Variants in RPL4 observed in about 807,000 individuals in gnomAD.
RPL4 encodes the protein large ribosomal subunit protein uL4.
In RPL4, 3 loss-of-function variants were observed where a neutral mutation model predicts 47.7. The ratio of observed to expected loss-of-function variants is 0.06; its 90% confidence interval spans 0.03 to 0.16. RPL4 has a LOEUF of 0.16. Among genes scored for constraint, RPL4 ranks in the 10% least tolerant of loss-of-function variants. The pLI, the probability that RPL4 is intolerant of heterozygous loss-of-function variation, is 1.00. For synonymous variants in RPL4, 208 were observed against 182.1 expected (o/e 1.14, Z -1.15); for missense variants, 413 against 551.3 (o/e 0.75, Z 2.51).
intron 3 of RPL4, 30 bp from the exon 4 acceptor site, chr15:66,502,780 C>T: frequency 1.2e-6 from 2 of 1,613,954 alleles, no homozygotes; most frequent in Non-Finnish European, 1.7e-6. Flanking sequence ...TCACATTTCT[C>T]AAATTTTAGT....
At position 66,499,668 on chromosome 15, in the gene RPL4, C is replaced by A. The variant is rs770975258; in HGVS notation, c.1039-16G>T. 3.7e-6 allele frequency: 6 copies of A among 1,612,792 alleles called. No individual in the cohort carries two copies. In the South Asian group the frequency reaches 5.5e-5, roughly 15 times the overall value. ...GGAGCTTGTGCTGCAACAAATTAGG[C>A]AGAAAACAGTAAGAATCAAATCCCT... is the stretch of plus-strand genomic sequence containing the variant. On this transcript the variant is annotated splice_polypyrimidine_tract_variant and intron_variant, in intron 9 of 9. Coordinates refer to ENST00000307961, the MANE Select transcript of RPL4 (RefSeq NM_000968.4).
intron 6 of RPL4, 102 bp downstream of exon 6, chr15:66,501,273 A>C: frequency 6.3e-7 from 1 of 1,583,908 alleles, no homozygotes; most frequent in East Asian, 2.2e-5. Flanking sequence ...CCACAAAATC[A>C]TTTGTTTCAG....
In RPL4 at chr15:66,503,460, G is replaced by A; in HGVS notation, c.73C>T (p.Pro25Ser). The A allele has an allele frequency of 1.2e-6, 2 of 1,612,076 alleles. No individual in the cohort carries two copies. The highest frequency in any genetic ancestry group is 1.1e-5 in the South Asian group (1 of 91,056). The change falls in exon 2 of 10, where the codon CCT becomes TCT. Residue 25 changes from proline to serine, a missense_variant. Pro to Ser is a moderately conservative substitution (Grantham distance 74). This residue lies in a region of RPL4 where 56 missense variants were observed against 70.6 expected (regional missense o/e 0.79). Coordinates refer to ENST00000307961, the MANE Select transcript of RPL4 (RefSeq NM_000968.4). The stretch of plus-strand genomic sequence containing the variant: ...CGAATAGGAGCCTTGAATACAGCAG[G>A]CAAAGTGACATTTTTGCCAGATGAC... ...GESSGKNVTL[P>S]AVFKAPIRPD...
rs112342469 is a variant in RPL4, at chr15:66,500,707, G to A, written c.833+242C>T. The A allele has an allele frequency of 3.0e-3, 1,656 of 557,330 alleles. 31 individuals carry two copies. Among genetic ancestry groups the A allele is most frequent in the African/African-American group, 0.028 (1,491 of 52,794 alleles). The allele number at this position is 557,330 out of a possible 1,614,324, so 34.5% of individuals were successfully genotyped here. On this transcript the variant is annotated intron_variant, in intron 7 of 9. Coordinates refer to ENST00000307961, the MANE Select transcript of RPL4 (RefSeq NM_000968.4). ...TGAGACAGGAGAACTGCTTGAACCC[G>A]GGAGGCGGAGGCTGCAGTAAGCCAC...
At chr15:66,501,566 G>A (rs1893615981) in intron 5 of RPL4, 62 bp from the exon 6 acceptor site, 1 of 1,598,120 alleles carries the variant, frequency 6.3e-7, no homozygotes, top group Non-Finnish European at 8.5e-7. Context: ...GATCTTCAGA[G>A]TTTTAATTCC....
intron 4 of RPL4, 127 bp from the exon 5 acceptor site, chr15:66,502,039 A>G (rs748714329): frequency 2.4e-6 from 3 of 1,231,906 alleles, no homozygotes; most frequent in South Asian, 1.2e-5. Flanking sequence ...ATTTCCACAA[A>G]TATCATGTGT....
Position 66,504,822 on chromosome 15 carries a change from A to G in RPL4, c.-32T>C, listed in dbSNP as rs1321563525. 29 of 1,609,664 alleles carry G rather than the reference A, an allele frequency of 1.8e-5. No individual in the cohort carries two copies. The highest frequency in any genetic ancestry group is 2.3e-5 in the Non-Finnish European group (27 of 1,178,664). ...GAGAGGAGACAGCCACGCTCCTCTCAGCCCGGCTGCTGCCACAGGAAAAGG... is the reference window on the plus strand; with the variant it reads ...GAGAGGAGACAGCCACGCTCCTCTCGGCCCGGCTGCTGCCACAGGAAAAGG... On this transcript the variant is annotated 5_prime_UTR_variant, in exon 1 of 10. Coordinates refer to ENST00000307961, the MANE Select transcript of RPL4 (RefSeq NM_000968.4).
At chr15:66,502,248 G>A (rs1257339491) in intron 4 of RPL4, 2 of 384,292 alleles carry the variant, frequency 5.2e-6, no homozygotes. Context: ...ATTTAGTAAA[G>A]GATTAAAATT....
chr15:66,501,403 A>C lies in RPL4; in HGVS notation c.648T>G (p.Gly216=). ...GPCIIYNEDN[G]IIKAFRNIPG... is the part of the protein sequence containing the mutation. Reference sequence around the variant, plus strand: ...GGATGTTTCTGAAGGCCTTGATGATACCATTATCCTCATTATAGATGATGC... The same window carrying C: ...GGATGTTTCTGAAGGCCTTGATGATCCCATTATCCTCATTATAGATGATGC... Residue 216 remains glycine (G), a synonymous_variant, in exon 6 of 10, where the codon GGT becomes GGG. Coordinates refer to ENST00000307961, the MANE Select transcript of RPL4 (RefSeq NM_000968.4). 1 of 1,614,162 alleles carries C rather than the reference A, an allele frequency of 6.2e-7. No individual in the cohort carries two copies. The highest frequency in any genetic ancestry group is 8.5e-7 in the Non-Finnish European group (1 of 1,180,024).
intron 4 of RPL4, chr15:66,502,354 T>C: frequency 2.2e-6 from 1 of 455,262 alleles, no homozygotes; most frequent in Non-Finnish European, 3.9e-6. Context: ...TACGAAATAT[T>C]TTTGATTAAA....
intron 5 of RPL4, 58 bp downstream of exon 5, chr15:66,501,721 TCTGAAATTC>T: frequency 6.3e-7 from 1 of 1,587,544 alleles, no homozygotes; most frequent in Non-Finnish European, 8.5e-7. Context: ...GCCCTTATCT[TCTGAAATTC>T]AAAGTGACAA....
At chr15:66,501,960 G>T (rs878975846) in intron 4 of RPL4, 48 bp from the exon 5 acceptor site, 2 of 1,201,228 alleles carry the variant, frequency 1.7e-6, no homozygotes, top group Non-Finnish European at 2.3e-6. Flanking sequence ...AACTTTTGGA[G>T]AAAAAAAAAA....
In RPL4 at chr15:66,503,087, G is replaced by A; in HGVS notation, c.253C>T (p.His85Tyr). 3 of 1,614,024 alleles carry A rather than the reference G, an allele frequency of 1.9e-6. No homozygotes were observed. Among genetic ancestry groups the A allele is most frequent in the Non-Finnish European group, 2.5e-6 (3 of 1,179,936 alleles). Reference protein sequence around the residue: ...RIPRVRGGGTHRSGQGAFGNM... With the variant: ...RIPRVRGGGTYRSGQGAFGNM... ...CCAAAAGCACCCTGGCCAGAGCGGT[G>A]AGTCCCACCACCTCGAACTCTGGGA... is the stretch of plus-strand genomic sequence containing the variant. Residue 85 changes from histidine to tyrosine, a missense_variant, in exon 3 of 10, where the codon CAC becomes TAC. By Grantham distance (83) the His-to-Tyr change is moderately conservative (BLOSUM62 2). Coordinates refer to ENST00000307961, the MANE Select transcript of RPL4 (RefSeq NM_000968.4).
chr15:66,498,189 A>T lies in RPL4; in HGVS notation c.*1218T>A. On this transcript the variant is annotated 3_prime_UTR_variant, in exon 10 of 10. Coordinates refer to ENST00000307961, the MANE Select transcript of RPL4 (RefSeq NM_000968.4). The stretch of plus-strand genomic sequence containing the variant: ...GCAGGCACCAAATCAGTAGCACATG[A>T]ACTCTACTGTGTTAAGAGGCCCTGC... 1 of 178,494 alleles carries T rather than the reference A, an allele frequency of 5.6e-6. No individual in the cohort carries two copies. The highest frequency in any genetic ancestry group is 1.2e-5 in the Non-Finnish European group (1 of 82,848). The allele number at this position is 178,494 out of a possible 1,614,324, so 11.1% of individuals were successfully genotyped here.
intron 7 of RPL4, chr15:66,500,721 G>A (rs1893593505): frequency 3.5e-6 from 2 of 577,448 alleles, no homozygotes; most frequent in East Asian, 6.1e-5. Context: ...GGCGGAGGCT[G>A]CAGTAAGCCA....
rs905035660 is a variant in RPL4, at chr15:66,498,025, C to T, written c.*1382G>A. ...GAACCTGAAGAAATCTTGGGTTTGG[C>T]TATCCTTTAATCCGATAGGCCATTT... On this transcript the variant is annotated 3_prime_UTR_variant, in exon 10 of 10. Transcript: ENST00000307961. 9 of 432,680 alleles carry T rather than the reference C, an allele frequency of 2.1e-5. No individual in the cohort carries two copies. Among genetic ancestry groups the T allele is most frequent in the African/African-American group, 1.8e-4 (9 of 50,044 alleles). The allele number at this position is 432,680 out of a possible 1,614,324, so 26.8% of individuals were successfully genotyped here.
rs542517549 is a variant in RPL4, at chr15:66,499,707, G to C, written c.1039-55C>G. On this transcript the variant is annotated intron_variant, in intron 9 of 9. Coordinates refer to ENST00000307961, the MANE Select transcript of RPL4 (RefSeq NM_000968.4). Reference sequence around the variant, plus strand: ...AATCAAATCCCTGTAAGAACTTAATGTATCAGGAAGAGAAAAACAAAAACA... The same window carrying C: ...AATCAAATCCCTGTAAGAACTTAATCTATCAGGAAGAGAAAAACAAAAACA... The C allele has an allele frequency of 1.3e-5, 21 of 1,598,282 alleles. No homozygotes were observed. In the Admixed American group the frequency reaches 3.5e-4, roughly 27 times the overall value.
At chr15:66,504,701 C>G (rs1893719523) in intron 1 of RPL4, 87 bp downstream of exon 1, 1 of 1,571,380 alleles carries the variant, frequency 6.4e-7, no homozygotes, top group Non-Finnish European at 8.7e-7. Context: ...CGCTCTATCT[C>G]CTACAGATTC....
In RPL4 at chr15:66,501,430, C is replaced by A. The variant is rs139277298; in HGVS notation, c.621G>T (p.Pro207=). 9.3e-6 allele frequency: 15 copies of A among 1,613,972 alleles called. No individual in the cohort carries two copies. Among genetic ancestry groups the A allele is most frequent in the African/African-American group, 1.3e-5 (1 of 74,922 alleles). ...CATTATCCTCATTATAGATGATGCA[C>A]GGGCCCCTGCGCTGGATACGGCGAC... ...RNRRRIQRRG[P]CIIYNEDNGI... Residue 207 remains proline, a synonymous_variant, in exon 6 of 10, where the codon CCG becomes CCT. Transcript: ENST00000307961.
Sources: gnomAD v4.1 joint callset for allele counts on GRCh38, gnomAD v4.1.1 for gene constraint, gnomAD v4.1.1 regional missense constraint, MANE v1.5 for transcripts, NCBI Gene and HGNC (gene_info 2026-07-23, HGNC 2026-07-21) for gene names.